FAM200C: variants seen among roughly 807,000 people sequenced by gnomAD.
At chr5:160,398,539 A>G in the FAM200C span, among the ~76,000 whole-genome samples, 1 of 152,240 alleles carries the variant, frequency 6.6e-6, no homozygotes, top group Admixed American at 6.5e-5. Context: ...CTCTGTCTCA[A>G]AAACAAAACA....
the FAM200C span, chr5:160,394,343 T>C: frequency 1.2e-6 from 2 of 1,613,992 alleles, no homozygotes; most frequent in Non-Finnish European, 8.5e-7. Flanking sequence ...TTCATTTAAG[T>C]GTTTGAATAA....
At chr5:160,399,795 G>T in the FAM200C span, 1 of 143,178 alleles carries the variant, frequency 7.0e-6, no homozygotes, top group Non-Finnish European at 1.5e-5. Context: ...AAAAAAAAAA[G>T]ACTCAGCGCG....
chr5:160,394,796 A>G, the FAM200C span: 3 of 1,614,000 alleles, frequency 1.9e-6, no homozygotes, highest in Non-Finnish European at 2.5e-6. Context: ...ATCAAGTGCT[A>G]TCTTATGCTT....
the FAM200C span, among the ~76,000 whole-genome samples, chr5:160,397,199 G>A: frequency 6.6e-6 from 1 of 152,152 alleles, no homozygotes; most frequent in Non-Finnish European, 1.5e-5. Flanking sequence ...AACACAACCT[G>A]GTTAAGTAGT....
chr5:160,395,001 C>G, the FAM200C span: 2 of 1,613,674 alleles, frequency 1.2e-6, no homozygotes, highest in African/African-American at 2.7e-5. Context: ...GCTTTGATAT[C>G]TTCTAGAACT....
the FAM200C span, among the ~76,000 whole-genome samples, chr5:160,396,697 G>GAAAAAAAAAAAAAAAAAAAA: frequency 6.1e-5 from 3 of 49,266 alleles, no homozygotes; most frequent in South Asian, 7.8e-4. Flanking sequence ...AAGTCTCTGT[G>GAAAAAAAAAAAAAAAAAAAA]GAAAAAAAAA....
the FAM200C span, chr5:160,395,061 C>A: frequency 6.2e-7 from 1 of 1,614,020 alleles, no homozygotes; most frequent in East Asian, 2.2e-5. Context: ...TGGATCACAT[C>A]ATCTGATAAG....
chr5:160,394,781 C>A, the FAM200C span: 4 of 1,614,024 alleles, frequency 2.5e-6, no homozygotes, highest in Non-Finnish European at 3.4e-6. Context: ...AACAGAGCCA[C>A]ATACATCAAG....
chr5:160,393,955 C>T, the FAM200C span: 1 of 1,613,892 alleles, frequency 6.2e-7, no homozygotes, highest in Non-Finnish European at 8.5e-7. Flanking sequence ...AATCCTCAAG[C>T]TTCATTGTCT....
chr5:160,395,622 A>AT, the FAM200C span: 1 of 731,538 alleles, frequency 1.4e-6, no homozygotes, highest in Admixed American at 2.4e-5. Flanking sequence ...GCTATCTTGT[A>AT]TATGTCAAGA....
chr5:160,395,456 A>C, the FAM200C span: 1 of 1,614,162 alleles, frequency 6.2e-7, no homozygotes, highest in East Asian at 2.2e-5. Flanking sequence ...CCAGTAGCGA[A>C]CATAGTCATC....
chr5:160,394,274 GA>G, the FAM200C span: 1 of 1,613,768 alleles, frequency 6.2e-7, no homozygotes. Context: ...AACAAAAGCA[GA>G]TAACTTCTCT....
the FAM200C span, chr5:160,395,638 C>G: frequency 2.9e-6 from 2 of 685,268 alleles, no homozygotes; most frequent in African/African-American, 3.6e-5. Flanking sequence ...CAAGATACAG[C>G]CTGCAGCATG....
the FAM200C span, chr5:160,394,671 T>G: frequency 6.2e-7 from 1 of 1,614,152 alleles, no homozygotes; most frequent in Non-Finnish European, 8.5e-7. Context: ...GCATGAGGAT[T>G]CAATAAACAA....
chr5:160,398,635 ATC>A, the FAM200C span, among the ~76,000 whole-genome samples: 2,429 of 152,342 alleles, frequency 0.016, 56 homozygotes, highest in Admixed American at 0.057. Flanking sequence ...TTTAAAATTT[ATC>A]TGTTTTGAAC....
At chr5:160,399,308 C>T in the FAM200C span, among the ~76,000 whole-genome samples, 1 of 152,088 alleles carries the variant, frequency 6.6e-6, no homozygotes, top group Non-Finnish European at 1.5e-5. Context: ...TGAACACTCA[C>T]AAAACAAATA....
At chr5:160,394,873 G>A in the FAM200C span, 4 of 1,612,844 alleles carry the variant, frequency 2.5e-6, no homozygotes, top group African/African-American at 2.7e-5. Flanking sequence ...ATGGTTCACA[G>A]AAGAGAAATT....
chr5:160,395,675 T>C, the FAM200C span: 3 of 612,762 alleles, frequency 4.9e-6, no homozygotes, highest in Non-Finnish European at 8.6e-6. Context: ...CATGACAGGA[T>C]ATAGTTCAAC....
chr5:160,396,529 C>T, the FAM200C span, among the ~76,000 whole-genome samples: 13 of 151,724 alleles, frequency 8.6e-5, no homozygotes, highest in Non-Finnish European at 7.4e-5. Flanking sequence ...GGTGGGTGGA[C>T]TGCCTGAGCT....
Sources: allele counts gnomAD v4.1 joint callset (sites outside exome capture counted in the v4.1 genomes callset), GRCh38; gene constraint gnomAD v4.1.1; transcripts MANE v1.5.